Variants in DPP6 observed in about 807,000 individuals in gnomAD.
The protein encoded by DPP6 is dipeptidyl peptidase like 6, also known as A-type potassium channel modulatory protein DPP6.
DPP6 carries 69 observed loss-of-function variants against 122.6 expected under a neutral mutation model. The observed-to-expected ratio is 0.56, with a 90% CI of 0.46 to 0.69. DPP6 has a LOEUF of 0.69. Ranked by LOEUF, DPP6 falls within the 30% of genes least tolerant of loss-of-function variation. The pLI is 0.00. For missense variants in DPP6, 928 were observed against 1,116.9 expected, an observed-to-expected ratio of 0.83 and a Z score of 2.41; for synonymous variants, 418 against 433.1, an observed-to-expected ratio of 0.97 and a Z score of 0.43.
intron 1 of DPP6, among the ~76,000 whole-genome samples, chr7:154,110,347 G>A (rs1267723624): frequency 6.6e-6 from 1 of 152,174 alleles, no homozygotes; most frequent in Non-Finnish European, 1.5e-5. Context: ...TTACTAAGGA[G>A]TTGTGTTACA....
At chr7:154,683,180 G>A (rs1839388631) in intron 7 of DPP6, among the ~76,000 whole-genome samples, 1 of 152,094 alleles carries the variant, frequency 6.6e-6, no homozygotes, top group Non-Finnish European at 1.5e-5. Flanking sequence ...TCCTCCATTA[G>A]GCCAGATTTA....
intron 1 of DPP6, among the ~76,000 whole-genome samples, chr7:154,008,926 A>G (rs1798040737): frequency 1.3e-5 from 2 of 148,324 alleles, no homozygotes; most frequent in African/African-American, 2.5e-5. Context: ...CGGCCTCCCA[A>G]AGTGCTGGGA....
intron 1 of DPP6, among the ~76,000 whole-genome samples, chr7:153,958,464 A>C (rs926523019): frequency 6.6e-6 from 1 of 152,104 alleles, no homozygotes; most frequent in Non-Finnish European, 1.5e-5. Context: ...CCCAGCTGCA[A>C]GGCAGGCTGG....
At chr7:154,074,132 T>TAG (rs774836504) in intron 1 of DPP6, among the ~76,000 whole-genome samples, 1 of 119,734 alleles carries the variant, frequency 8.4e-6, no homozygotes, top group African/African-American at 3.0e-5. Flanking sequence ...GATATCTATA[T>TAG]ATATCTCTCT....
At chr7:154,123,261 C>A (rs1395306064) in intron 1 of DPP6, among the ~76,000 whole-genome samples, 1 of 152,202 alleles carries the variant, frequency 6.6e-6, no homozygotes, top group African/African-American at 2.4e-5. Context: ...CTCCCAAGAT[C>A]CAGAATGACT....
chr7:154,294,859 G>A (rs1805434064), intron 1 of DPP6, among the ~76,000 whole-genome samples: 1 of 152,206 alleles, frequency 6.6e-6, no homozygotes, highest in South Asian at 2.1e-4. Flanking sequence ...TTGTTCCACA[G>A]CTGGCACCAA....
chr7:154,033,462 C>G (rs1799361270), intron 1 of DPP6, among the ~76,000 whole-genome samples: 1 of 152,240 alleles, frequency 6.6e-6, no homozygotes, highest in Non-Finnish European at 1.5e-5. Context: ...AAGTCCCCGT[C>G]CAGCATTTAA....
chr7:154,005,198 C>A, intron 1 of DPP6, among the ~76,000 whole-genome samples: 1 of 152,208 alleles, frequency 6.6e-6, no homozygotes, highest in Non-Finnish European at 1.5e-5. Flanking sequence ...ATCTTGGAGA[C>A]CTTTCATCAT....
At chr7:153,831,072 G>T in the DPP6 span, among the ~76,000 whole-genome samples, 1 of 152,168 alleles carries the variant, frequency 6.6e-6, no homozygotes, top group African/African-American at 2.4e-5. Flanking sequence ...AACATTAGCA[G>T]AATGAATATT....
At chr7:154,164,133 T>C (rs1338609723) in intron 1 of DPP6, among the ~76,000 whole-genome samples, 3 of 152,032 alleles carry the variant, frequency 2.0e-5, no homozygotes, top group South Asian at 2.1e-4. Context: ...TGTATTTTCC[T>C]TCTCAGAATA....
At chr7:154,774,958 C>G (rs1287007800) in intron 10 of DPP6, among the ~76,000 whole-genome samples, 1 of 152,200 alleles carries the variant, frequency 6.6e-6, no homozygotes, top group African/African-American at 2.4e-5. Flanking sequence ...TCTGCATGTC[C>G]ATGCTACTGA....
intron 25 of DPP6, among the ~76,000 whole-genome samples, chr7:154,891,393 A>T (rs1296470742): frequency 1.3e-5 from 2 of 152,174 alleles, no homozygotes; most frequent in Non-Finnish European, 2.9e-5. Context: ...TCCAGGCCTC[A>T]TTCTAAGCAC....
intron 13 of DPP6, 47 bp downstream of exon 13, chr7:154,801,509 G>C: frequency 6.6e-7 from 1 of 1,523,676 alleles, no homozygotes; most frequent in Non-Finnish European, 8.8e-7. Context: ...TGGCCTGCTA[G>C]AGGCCGTGGG....
At chr7:153,971,668 A>C (rs1231379173) in intron 1 of DPP6, among the ~76,000 whole-genome samples, 1 of 138,384 alleles carries the variant, frequency 7.2e-6, no homozygotes, top group African/African-American at 2.6e-5. Flanking sequence ...GCGTTCTATG[A>C]ATTTTGACGT....
At chr7:154,550,690 T>C (rs1295727935) in intron 4 of DPP6, among the ~76,000 whole-genome samples, 5 of 151,958 alleles carry the variant, frequency 3.3e-5, no homozygotes, top group Non-Finnish European at 7.4e-5. Context: ...TGTAAACACA[T>C]CTAAACATAC....
chr7:154,616,865 T>G (rs1316276715), intron 5 of DPP6, among the ~76,000 whole-genome samples: 1 of 152,208 alleles, frequency 6.6e-6, no homozygotes, highest in East Asian at 1.9e-4. Flanking sequence ...CTTCAAATTT[T>G]GTCTTCTTAA....
chr7:154,389,451 A>AT (rs11321523), intron 1 of DPP6, among the ~76,000 whole-genome samples: 7 of 151,300 alleles, frequency 4.6e-5, no homozygotes, highest in East Asian at 3.9e-4. Context: ...TTTTCCTTAA[A>AT]TTTTTTTTTT....
chr7:153,843,368 C>T, the DPP6 span, among the ~76,000 whole-genome samples: 2 of 152,224 alleles, frequency 1.3e-5, no homozygotes, highest in African/African-American at 4.8e-5. Context: ...TGGTCCCAGC[C>T]TCTCTCACAA....
intron 1 of DPP6, among the ~76,000 whole-genome samples, chr7:154,332,210 T>G (rs1415220602): frequency 1.3e-5 from 2 of 152,148 alleles, no homozygotes; most frequent in Admixed American, 6.6e-5. Flanking sequence ...TAGCTGGGAT[T>G]ACAGGCACAT....
Sources: allele counts gnomAD v4.1 joint callset (sites outside exome capture counted in the v4.1 genomes callset), GRCh38; gene constraint gnomAD v4.1.1; transcripts MANE v1.5; gene names NCBI Gene and HGNC (gene_info 2026-07-23, HGNC 2026-07-21).